The following ABTB3 variants were observed in gnomAD, a reference collection of about 807,000 sequenced individuals.
The protein encoded by ABTB3 is ankyrin repeat- and BTB/POZ domain-containing protein 3.
the ABTB3 span, among the ~76,000 whole-genome samples, chr12:107,338,654 G>A: frequency 6.6e-6 from 1 of 152,080 alleles, no homozygotes; most frequent in African/African-American, 2.4e-5. Context: ...TTATGTTGGG[G>A]GACATAATCC....
the ABTB3 span, among the ~76,000 whole-genome samples, chr12:107,411,545 C>T: frequency 5.9e-5 from 9 of 152,088 alleles, no homozygotes; most frequent in South Asian, 2.1e-4. Context: ...ATTAGTGTCC[C>T]CCTCTTTTTT....
chr12:107,408,825 C>T, the ABTB3 span, among the ~76,000 whole-genome samples: 1 of 152,238 alleles, frequency 6.6e-6, no homozygotes, highest in African/African-American at 2.4e-5. Flanking sequence ...TCCATCTGTT[C>T]AGCAAGTGTT....
At chr12:107,343,776 G>T in the ABTB3 span, among the ~76,000 whole-genome samples, 3 of 152,194 alleles carry the variant, frequency 2.0e-5, no homozygotes, top group African/African-American at 7.2e-5. Context: ...GGGGAAGCAG[G>T]CACCGTCTTC....
the ABTB3 span, among the ~76,000 whole-genome samples, chr12:107,326,011 T>TTC: frequency 6.6e-6 from 1 of 152,182 alleles, no homozygotes; most frequent in South Asian, 2.1e-4. Flanking sequence ...GTTCAAGATA[T>TTC]TCTCCTGCCT....
the ABTB3 span, chr12:107,615,245 T>G: frequency 1.9e-6 from 2 of 1,071,302 alleles, no homozygotes; most frequent in Non-Finnish European, 2.8e-6. Flanking sequence ...CCAGCATGCA[T>G]ATTCTCTAAG....
At chr12:107,614,040 T>C in the ABTB3 span, among the ~76,000 whole-genome samples, 2 of 152,192 alleles carry the variant, frequency 1.3e-5, no homozygotes, top group Non-Finnish European at 2.9e-5. Flanking sequence ...CATTGGGTTC[T>C]GGAGCATTCT....
the ABTB3 span, among the ~76,000 whole-genome samples, chr12:107,559,973 A>G: frequency 6.6e-6 from 1 of 152,152 alleles, no homozygotes; most frequent in Admixed American, 6.5e-5. Context: ...AGCCAAAATC[A>G]TTATTTAGTT....
At chr12:107,455,995 C>G in the ABTB3 span, among the ~76,000 whole-genome samples, 1 of 152,178 alleles carries the variant, frequency 6.6e-6, no homozygotes, top group Non-Finnish European at 1.5e-5. Context: ...GCCACAAAGT[C>G]CAGCTCAGAG....
At chr12:107,357,792 A>T in the ABTB3 span, among the ~76,000 whole-genome samples, 11 of 152,220 alleles carry the variant, frequency 7.2e-5, no homozygotes, top group Non-Finnish European at 1.5e-4. Flanking sequence ...CTCAGACTAC[A>T]TGTGCTCAGC....
chr12:107,432,354 C>G, the ABTB3 span, among the ~76,000 whole-genome samples: 1 of 152,162 alleles, frequency 6.6e-6, no homozygotes, highest in Non-Finnish European at 1.5e-5. Context: ...ACATTTTTAC[C>G]TCTCCAGGTC....
chr12:107,370,878 G>C, the ABTB3 span, among the ~76,000 whole-genome samples: 1 of 149,800 alleles, frequency 6.7e-6, no homozygotes, highest in Non-Finnish European at 1.5e-5. Flanking sequence ...TAGGCAGGAG[G>C]ATCCAAAAGT....
the ABTB3 span, among the ~76,000 whole-genome samples, chr12:107,330,900 G>A: frequency 6.6e-6 from 1 of 152,228 alleles, no homozygotes; most frequent in Non-Finnish European, 1.5e-5. Context: ...TGAAGATCAG[G>A]TGTGCTAAAT....
chr12:107,355,925 A>T, the ABTB3 span, among the ~76,000 whole-genome samples: 1 of 152,140 alleles, frequency 6.6e-6, no homozygotes, highest in Admixed American at 6.6e-5. Flanking sequence ...AGTCACTTCT[A>T]CCTCTTGTGC....
the ABTB3 span, among the ~76,000 whole-genome samples, chr12:107,413,436 T>TTAAG: frequency 6.6e-6 from 1 of 152,196 alleles, no homozygotes; most frequent in African/African-American, 2.4e-5. Flanking sequence ...ACCTTCACGC[T>TTAAG]TACTGTTGGA....
the ABTB3 span, among the ~76,000 whole-genome samples, chr12:107,570,550 A>G: frequency 6.6e-6 from 1 of 151,884 alleles, no homozygotes; most frequent in Admixed American, 6.6e-5. Flanking sequence ...GGTTATGGCT[A>G]ACCTATAGTT....
chr12:107,485,539 G>A, the ABTB3 span, among the ~76,000 whole-genome samples: 3 of 152,064 alleles, frequency 2.0e-5, no homozygotes, highest in Non-Finnish European at 4.4e-5. Flanking sequence ...CTCTGTATGT[G>A]TTTACACAGT....
At chr12:107,542,741 T>TATATTCTTATATATG in the ABTB3 span, among the ~76,000 whole-genome samples, 2 of 152,218 alleles carry the variant, frequency 1.3e-5, no homozygotes, top group Non-Finnish European at 2.9e-5. Context: ...TATTTTATGT[T>TATATTCTTATATATG]ATATTCTTAT....
At chr12:107,612,733 G>A in the ABTB3 span, 1 of 1,531,566 alleles carries the variant, frequency 6.5e-7, no homozygotes, top group Non-Finnish European at 8.9e-7. Context: ...ATTGACCACA[G>A]CCACCTTGTA....
the ABTB3 span, among the ~76,000 whole-genome samples, chr12:107,445,321 C>G: frequency 3.2e-4 from 49 of 152,220 alleles, no homozygotes; most frequent in African/African-American, 1.1e-3. Context: ...AATTCATTCA[C>G]TGAATAGGCA....
Sources: gnomAD v4.1 joint callset for allele counts (sites outside exome capture counted in the v4.1 genomes callset) on GRCh38, gnomAD v4.1.1 for gene constraint, MANE v1.5 for transcripts, NCBI Gene and HGNC (gene_info 2026-07-23, HGNC 2026-07-21) for gene names.